Variants in RASGEF1C observed in about 807,000 individuals in gnomAD.
RASGEF1C encodes the protein RasGEF domain family member 1C.
In RASGEF1C, 27 loss-of-function variants were observed where a neutral mutation model predicts 58.1. That is an observed-to-expected ratio of 0.46 (90% CI 0.34 to 0.64). The LOEUF is 0.64. Among genes scored for constraint, RASGEF1C ranks in the 30% least tolerant of loss-of-function variants. RASGEF1C has a pLI of 0.01. For synonymous variants in RASGEF1C, 243 were observed against 246.3 expected, an observed-to-expected ratio of 0.99 and a Z score of 0.13; for missense variants, 502 against 605.1, an observed-to-expected ratio of 0.83 and a Z score of 1.79.
intron 12 of RASGEF1C, among the ~76,000 whole-genome samples, chr5:180,109,300 C>G (rs945637222): frequency 3.3e-5 from 5 of 151,468 alleles, no homozygotes; most frequent in African/African-American, 9.7e-5. Context: ...ACTAAAAATA[C>G]AAAAAAAATT....
chr5:180,136,589 C>G (rs1207238203), intron 3 of RASGEF1C, 74 bp from the exon 4 acceptor site: 1 of 1,470,514 alleles, frequency 6.8e-7, no homozygotes, highest in East Asian at 2.5e-5. Flanking sequence ...CGCGTCCTTG[C>G]GGGTCTGGCC....
At chr5:180,181,593 T>C (rs1028734802) in intron 1 of RASGEF1C, among the ~76,000 whole-genome samples, 1 of 152,142 alleles carries the variant, frequency 6.6e-6, no homozygotes, top group African/African-American at 2.4e-5. Flanking sequence ...GTGATGCGGC[T>C]TCAAGCCAAG....
intron 8 of RASGEF1C, 84 bp downstream of exon 8, chr5:180,119,262 G>A: frequency 8.7e-7 from 1 of 1,148,854 alleles, no homozygotes. Flanking sequence ...GCCCTGGCTT[G>A]CACTCTGCCT....
intron 1 of RASGEF1C, among the ~76,000 whole-genome samples, chr5:180,161,769 G>A (rs1029273907): frequency 5.3e-5 from 8 of 152,234 alleles, no homozygotes; most frequent in Admixed American, 2.6e-4. Flanking sequence ...CCCCCATTCA[G>A]CTCGCCAGAC....
At chr5:180,171,471 C>A (rs1162623011) in intron 1 of RASGEF1C, among the ~76,000 whole-genome samples, 2 of 152,142 alleles carry the variant, frequency 1.3e-5, no homozygotes, top group African/African-American at 4.8e-5. Context: ...ACCCTCAGAG[C>A]CCACCTCCGA....
chr5:180,146,326 T>G (rs1477675808), intron 1 of RASGEF1C, among the ~76,000 whole-genome samples: 4 of 152,152 alleles, frequency 2.6e-5, no homozygotes, highest in Non-Finnish European at 4.4e-5. Context: ...ATTTTGTATT[T>G]TGGTACTTTT....
chr5:180,148,170 C>G (rs1766687948), intron 1 of RASGEF1C, among the ~76,000 whole-genome samples: 1 of 152,126 alleles, frequency 6.6e-6, no homozygotes, highest in Non-Finnish European at 1.5e-5. Context: ...CTCCCACTCT[C>G]TTTTTGTTAC....
intron 12 of RASGEF1C, among the ~76,000 whole-genome samples, chr5:180,104,023 C>T (rs1765838457): frequency 6.6e-6 from 1 of 152,100 alleles, no homozygotes; most frequent in African/African-American, 2.4e-5. Context: ...TGGAATGAAC[C>T]CACTTAGTCA....
At chr5:180,207,176 C>A (rs1317821565) in intron 1 of RASGEF1C, among the ~76,000 whole-genome samples, 1 of 152,240 alleles carries the variant, frequency 6.6e-6, no homozygotes, top group African/African-American at 2.4e-5. Context: ...CGATGCTGAC[C>A]TAGCAGGTTT....
At position 180,128,536 on chromosome 5, in the gene RASGEF1C, T is replaced by G; in HGVS notation, c.513A>C (p.Glu171Asp). 1 of 1,614,110 alleles carries G rather than the reference T, an allele frequency of 6.2e-7. No homozygotes were observed. The highest frequency in any genetic ancestry group is 8.5e-7 in the Non-Finnish European group (1 of 1,180,002). Residue 171 changes from glutamate to aspartate, a missense_variant, in exon 5 of 14, where the codon GAA becomes GAC. Transcript: ENST00000361132. ...QKLAALRQGP[E>D]GLVGADKPIS... is the part of the protein sequence containing the mutation. The stretch of plus-strand genomic sequence containing the variant: ...TGGGCTTGTCGGCACCCACCAGACC[T>G]TCTGGCCCCTGGCGCAGAGCCGCCA...
chr5:180,196,653 A>G (rs1287111622), intron 1 of RASGEF1C, among the ~76,000 whole-genome samples: 1 of 152,108 alleles, frequency 6.6e-6, no homozygotes, highest in Non-Finnish European at 1.5e-5. Context: ...CTTCATAAAA[A>G]TCCCTTGCTA....
intron 1 of RASGEF1C, among the ~76,000 whole-genome samples, chr5:180,142,871 C>G (rs1024546640): frequency 2.6e-5 from 4 of 152,092 alleles, no homozygotes; most frequent in Non-Finnish European, 5.9e-5. Flanking sequence ...GATTCCAGGC[C>G]TGGAATGGTG....
intron 1 of RASGEF1C, among the ~76,000 whole-genome samples, chr5:180,184,502 G>A (rs62406145): frequency 0.14 from 21,074 of 152,078 alleles, 1,922 homozygotes; most frequent in Admixed American, 0.22. Context: ...GCTTGAACCC[G>A]GGAGGTGGAG....
chr5:180,103,137 G>T (rs550250620), intron 12 of RASGEF1C, among the ~76,000 whole-genome samples: 49 of 152,240 alleles, frequency 3.2e-4, no homozygotes, highest in African/African-American at 1.2e-3. Context: ...GAGTGCAGTG[G>T]CGCGATCTCG....
At chr5:180,111,616 C>G in intron 11 of RASGEF1C, 36 bp from the exon 12 acceptor site, 3 of 1,612,876 alleles carry the variant, frequency 1.9e-6, no homozygotes, top group Middle Eastern at 1.7e-4. Flanking sequence ...TGGAGGCACT[C>G]CAGTGCCTGG....
At chr5:180,165,114 A>G (rs1206739299) in intron 1 of RASGEF1C, among the ~76,000 whole-genome samples, 1 of 152,086 alleles carries the variant, frequency 6.6e-6, no homozygotes, top group Non-Finnish European at 1.5e-5. Context: ...TTTTCCTGAT[A>G]TATCCTTTTC....
chr5:180,186,708 G>A (rs1467995423), intron 1 of RASGEF1C, among the ~76,000 whole-genome samples: 1 of 152,190 alleles, frequency 6.6e-6, no homozygotes, highest in Non-Finnish European at 1.5e-5. Context: ...GCTCACGCTT[G>A]TAATCCCAGG....
chr5:180,173,870 G>T (rs561266020), intron 1 of RASGEF1C, among the ~76,000 whole-genome samples: 1 of 149,194 alleles, frequency 6.7e-6, no homozygotes, highest in Non-Finnish European at 1.5e-5. Context: ...CTGAGATTGT[G>T]CCACTGCACT....
In RASGEF1C at chr5:180,182,983, A is replaced by C. The variant is rs575954871; in HGVS notation, c.-7+26045T>G. Among the ~76,000 whole-genome samples, 17 of 152,354 alleles carry C rather than the reference A, an allele frequency of 1.1e-4. No homozygotes were observed. In the South Asian group the frequency reaches 3.1e-3, roughly 28 times the overall value. On this transcript the variant is annotated intron_variant, in intron 1 of 13. Transcript: ENST00000361132. Reference sequence around the variant, plus strand: ...TATGATGGATGTCACTCCTGTGATTAGGTGATGTTATCTGGCAAAGATGAA... The same window carrying C: ...TATGATGGATGTCACTCCTGTGATTCGGTGATGTTATCTGGCAAAGATGAA...
Sources: allele counts gnomAD v4.1 joint callset (sites outside exome capture counted in the v4.1 genomes callset), GRCh38; gene constraint gnomAD v4.1.1; transcripts MANE v1.5; gene names NCBI Gene and HGNC (gene_info 2026-07-23, HGNC 2026-07-21).